The following CNTNAP5 variants were observed in gnomAD, a reference collection of about 807,000 sequenced individuals.
CNTNAP5 encodes contactin-associated protein-like 5.
CNTNAP5 carries 72 observed loss-of-function variants against 150.2 expected under a neutral mutation model. The ratio of observed to expected loss-of-function variants is 0.48; its 90% CI spans 0.40 to 0.58. The LOEUF (loss-of-function observed/expected upper bound fraction) is 0.58. CNTNAP5 is among the 20% of genes least tolerant of loss of function. The pLI is 0.00. For missense variants in CNTNAP5, 1,636 were observed against 1,626.2 expected, an observed-to-expected ratio of 1.01 and a Z score of -0.10; for synonymous variants, 672 against 619.8, an observed-to-expected ratio of 1.08 and a Z score of -1.25.
chr2:124,531,918 A>T (rs746460380), intron 10 of CNTNAP5, among the ~76,000 whole-genome samples: 1 of 152,198 alleles, frequency 6.6e-6, no homozygotes, highest in Non-Finnish European at 1.5e-5. Flanking sequence ...CTGAACAGAC[A>T]CTCAGTTTAG....
chr2:124,509,695 G>A (rs1694511330), intron 8 of CNTNAP5, among the ~76,000 whole-genome samples: 1 of 152,094 alleles, frequency 6.6e-6, no homozygotes, highest in Non-Finnish European at 1.5e-5. Flanking sequence ...CATATTCATT[G>A]TGCATACTGT....
intron 3 of CNTNAP5, among the ~76,000 whole-genome samples, chr2:124,264,415 C>T (rs1309888446): frequency 6.6e-6 from 1 of 150,612 alleles, no homozygotes; most frequent in South Asian, 2.1e-4. Context: ...CACACACACA[C>T]ACACACACAC....
chr2:124,787,937 C>T (rs575438045), intron 17 of CNTNAP5, among the ~76,000 whole-genome samples: 2 of 152,156 alleles, frequency 1.3e-5, no homozygotes, highest in African/African-American at 4.8e-5. Context: ...GATGAGAGAT[C>T]CTAAGGGTAC....
intron 1 of CNTNAP5, among the ~76,000 whole-genome samples, chr2:124,065,236 G>A (rs1001695560): frequency 6.6e-5 from 10 of 152,140 alleles, no homozygotes; most frequent in African/African-American, 2.4e-4. Flanking sequence ...TGAATGTTCT[G>A]TTTTAGAGTT....
chr2:124,857,235 C>G (rs190339357), intron 19 of CNTNAP5, among the ~76,000 whole-genome samples: 1 of 151,976 alleles, frequency 6.6e-6, no homozygotes, highest in Non-Finnish European at 1.5e-5. Context: ...CTTCACTGTC[C>G]GCATCATTTG....
At chr2:124,377,699 A>AT (rs961914565) in intron 3 of CNTNAP5, among the ~76,000 whole-genome samples, 9 of 150,400 alleles carry the variant, frequency 6.0e-5, no homozygotes, top group East Asian at 2.1e-4. Context: ...AAAAGAAAAA[A>AT]AAATAAATGC....
chr2:124,878,849 A>G (rs1162343068), intron 21 of CNTNAP5, among the ~76,000 whole-genome samples: 2 of 151,372 alleles, frequency 1.3e-5, no homozygotes, highest in Non-Finnish European at 2.9e-5. Flanking sequence ...CGCCCGGCCA[A>G]TTTTTGTATT....
intron 19 of CNTNAP5, among the ~76,000 whole-genome samples, chr2:124,812,604 T>C (rs1682261276): frequency 1.3e-5 from 2 of 152,196 alleles, no homozygotes; most frequent in Non-Finnish European, 2.9e-5. Flanking sequence ...ATCTGCATGA[T>C]AAAGCTTTGG....
At chr2:124,412,590 T>A (rs1221572098) in intron 3 of CNTNAP5, among the ~76,000 whole-genome samples, 1 of 150,598 alleles carries the variant, frequency 6.6e-6, no homozygotes, top group African/African-American at 2.5e-5. Context: ...TCTACAACTA[T>A]CTGATCTTTG....
rs1276669442 is a variant in CNTNAP5, at chr2:124,354,061, C to A, written c.382-63382C>A. ...CCAGAAGACTTGACTATGATGAAACCAGATACAAGTATATAAAAAGAAAAT... is the reference window on the plus strand; with the variant it reads ...CCAGAAGACTTGACTATGATGAAACAAGATACAAGTATATAAAAAGAAAAT... On this transcript the variant is annotated intron_variant, in intron 3 of 23. Transcript: ENST00000682447. Among the ~76,000 whole-genome samples, 17 of 151,824 alleles carry A rather than the reference C, an allele frequency of 1.1e-4. 1 individual carries two copies. The highest frequency in any genetic ancestry group is 1.1e-3 in the Admixed American group (17 of 15,246).
At chr2:124,504,596 C>T in intron 8 of CNTNAP5, 40 bp downstream of exon 8, 2 of 1,597,990 alleles carry the variant, frequency 1.3e-6, no homozygotes, top group Non-Finnish European at 1.7e-6. Flanking sequence ...TCTTGTTTAT[C>T]CAAGTCGACA....
At chr2:124,455,547 C>G (rs1282960722) in intron 6 of CNTNAP5, among the ~76,000 whole-genome samples, 1 of 151,920 alleles carries the variant, frequency 6.6e-6, no homozygotes, top group African/African-American at 2.4e-5. Flanking sequence ...AAAGAGAGAA[C>G]CCTCCCTAAG....
At chr2:124,632,557 AGGT>A (rs1222626629) in intron 12 of CNTNAP5, among the ~76,000 whole-genome samples, 1 of 142,302 alleles carries the variant, frequency 7.0e-6, no homozygotes, top group Non-Finnish European at 1.5e-5. Context: ...CTGTTAGGGG[AGGT>A]GGGGGAGGGG....
intron 21 of CNTNAP5, among the ~76,000 whole-genome samples, chr2:124,901,266 A>G (rs1239420127): frequency 6.6e-6 from 1 of 151,588 alleles, no homozygotes; most frequent in Admixed American, 6.6e-5. Context: ...ACCCAAGAAT[A>G]CATTAGGCCA....
intron 11 of CNTNAP5, among the ~76,000 whole-genome samples, chr2:124,609,587 AAGAG>A (rs889734115): frequency 2.0e-5 from 3 of 151,564 alleles, no homozygotes; most frequent in Admixed American, 1.3e-4. Context: ...TAATAATAAA[AAGAG>A]AGAGAGAGAG....
At chr2:124,307,403 G>A (rs890990220) in intron 3 of CNTNAP5, among the ~76,000 whole-genome samples, 4 of 152,218 alleles carry the variant, frequency 2.6e-5, no homozygotes, top group South Asian at 4.2e-4. Flanking sequence ...TTCAACATAC[G>A]ATTTGGGGAA....
rs984596565 is a variant in CNTNAP5, at chr2:124,832,420, G to T, written c.3218-32886G>T. On this transcript the variant is annotated intron_variant, in intron 19 of 23. Transcript: ENST00000682447. Reference sequence around the variant, plus strand: ...TAAAAATATTATAGTTTTCATTTCAGAAATTTAGTTATGAGATAGTAATAT... The same window carrying T: ...TAAAAATATTATAGTTTTCATTTCATAAATTTAGTTATGAGATAGTAATAT... 7.2e-5 allele frequency among the ~76,000 whole-genome samples: 11 copies of T among 151,938 alleles called. 1 individual carries two copies. Among genetic ancestry groups the T allele is most frequent in the Middle Eastern group, 6.3e-3 (2 of 316 alleles).
At chr2:124,410,059 A>G (rs568601160) in intron 3 of CNTNAP5, among the ~76,000 whole-genome samples, 95 of 152,238 alleles carry the variant, frequency 6.2e-4, no homozygotes, top group African/African-American at 2.2e-3. Flanking sequence ...ATGGAAAACA[A>G]AAAAAGGCAG....
At chr2:124,553,629 A>G (rs12995531) in intron 10 of CNTNAP5, among the ~76,000 whole-genome samples, 31,733 of 152,190 alleles carry the variant, frequency 0.21, 3,962 homozygotes, top group South Asian at 0.31. Flanking sequence ...ATTAAGAAAA[A>G]TAAAATCCAG....
Sources: allele counts gnomAD v4.1 joint callset (sites outside exome capture counted in the v4.1 genomes callset), GRCh38; gene constraint gnomAD v4.1.1; transcripts MANE v1.5; gene names NCBI Gene and HGNC (gene_info 2026-07-23, HGNC 2026-07-21).